LRRIQ1: variants seen among roughly 807,000 people sequenced by gnomAD.
LRRIQ1 encodes leucine-rich repeat- and IQ domain-containing protein 1.
Under a neutral mutation model 211.9 loss-of-function variants are expected in LRRIQ1, and 210 were observed. The observed-to-expected ratio is 0.99, with a 90% CI of 0.89 to 1.11. The LOEUF is 1.11. LRRIQ1 is among the 50% of genes most tolerant of loss of function. The pLI is 0.00. For synonymous variants in LRRIQ1, 699 were observed against 650.1 expected (o/e 1.08, Z -1.14); for missense variants, 2,136 against 1,939.5 (o/e 1.10, Z -1.90).
chr12:85,145,996 G>C (rs1276284159), intron 19 of LRRIQ1, among the ~76,000 whole-genome samples: 1 of 151,592 alleles, frequency 6.6e-6, no homozygotes, highest in African/African-American at 2.4e-5. Context: ...AATCTGACAG[G>C]GGCTGGGACA....
intron 10 of LRRIQ1, among the ~76,000 whole-genome samples, chr12:85,071,256 G>T (rs754865643): frequency 6.6e-6 from 1 of 151,810 alleles, no homozygotes; most frequent in Non-Finnish European, 1.5e-5. Flanking sequence ...ATATATGCAC[G>T]TATCTAAGGA....
intron 1 of LRRIQ1, among the ~76,000 whole-genome samples, chr12:85,253,442 T>G (rs1052236442): frequency 3.9e-5 from 6 of 152,078 alleles, no homozygotes; most frequent in African/African-American, 1.4e-4. Context: ...ATAGCTCTGG[T>G]ACTGGACCAG....
intron 9 of LRRIQ1, among the ~76,000 whole-genome samples, chr12:85,065,971 A>G (rs572479647): frequency 1.4e-4 from 21 of 152,006 alleles, no homozygotes; most frequent in Non-Finnish European, 2.8e-4. Flanking sequence ...GAGTGTTCCT[A>G]AAAGACATGC....
intron 1 of LRRIQ1, among the ~76,000 whole-genome samples, chr12:85,261,598 T>A (rs1285109856): frequency 6.6e-6 from 1 of 151,796 alleles, no homozygotes; most frequent in Non-Finnish European, 1.5e-5. Flanking sequence ...AGCATCACAA[T>A]GGAGAATCAT....
downstream of LRRIQ1, among the ~76,000 whole-genome samples, chr12:85,265,180 G>T (rs1002240447): frequency 6.6e-6 from 1 of 151,888 alleles, no homozygotes; most frequent in African/African-American, 2.4e-5. Flanking sequence ...GATATATTTT[G>T]ATTATATTTT....
chr12:85,099,550 C>T (rs1193163953), intron 13 of LRRIQ1, among the ~76,000 whole-genome samples: 1 of 151,830 alleles, frequency 6.6e-6, no homozygotes, highest in African/African-American at 2.4e-5. Context: ...ACATCTGGAT[C>T]TTTGCTGAGA....
At chr12:85,266,383 T>A (rs1373458313), downstream of LRRIQ1, among the ~76,000 whole-genome samples, 1 of 152,104 alleles carries the variant, frequency 6.6e-6, no homozygotes, top group Non-Finnish European at 1.5e-5. Context: ...GTGAATATAT[T>A]TGAAAGATAA....
chr12:85,177,384 G>A (rs554672514), intron 24 of LRRIQ1, among the ~76,000 whole-genome samples: 51 of 152,200 alleles, frequency 3.4e-4, no homozygotes, highest in Non-Finnish European at 6.3e-4. Flanking sequence ...ATGAGTAAAG[G>A]TCTGTGGAGG....
chr12:85,196,064 C>T (rs1892889343), intron 24 of LRRIQ1, among the ~76,000 whole-genome samples: 1 of 152,026 alleles, frequency 6.6e-6, no homozygotes, highest in Admixed American at 6.6e-5. Flanking sequence ...CATGAGTGAA[C>T]TCCCATTCAC....
intron 25 of LRRIQ1, among the ~76,000 whole-genome samples, chr12:85,231,902 C>A (rs1894960479): frequency 6.6e-6 from 1 of 152,100 alleles, no homozygotes; most frequent in Admixed American, 6.5e-5. Context: ...AGACTACATC[C>A]AAACCATAAG....
chr12:85,070,386 T>C (rs1307034971), intron 10 of LRRIQ1, among the ~76,000 whole-genome samples: 3 of 152,028 alleles, frequency 2.0e-5, no homozygotes, highest in African/African-American at 7.2e-5. Flanking sequence ...ATGTGATTTG[T>C]GAATTTTCTA....
chr12:85,055,434 C>A, intron 7 of LRRIQ1, 113 bp from the exon 8 acceptor site: 1 of 847,550 alleles, frequency 1.2e-6, no homozygotes, highest in South Asian at 4.4e-5. Flanking sequence ...TTTATAGAAA[C>A]TTTATTAAGA....
chr12:85,250,318 T>TA (rs902962308), intron 1 of LRRIQ1, among the ~76,000 whole-genome samples: 10 of 151,854 alleles, frequency 6.6e-5, no homozygotes, highest in African/African-American at 2.4e-4. Context: ...TTATAAGCCT[T>TA]AAAAAATATA....
intron 19 of LRRIQ1, among the ~76,000 whole-genome samples, chr12:85,143,974 A>G (rs1485406051): frequency 6.6e-6 from 1 of 151,566 alleles, no homozygotes; most frequent in Non-Finnish European, 1.5e-5. Context: ...TAGGTAAATT[A>G]CGTGTCGTGG....
chr12:85,116,081 A>G (rs998968247), intron 15 of LRRIQ1, among the ~76,000 whole-genome samples: 4 of 152,230 alleles, frequency 2.6e-5, no homozygotes, highest in Admixed American at 6.5e-5. Flanking sequence ...TTATCGTAGT[A>G]TAACTGCAGC....
At chr12:85,116,834 A>T (rs988785965) in intron 15 of LRRIQ1, among the ~76,000 whole-genome samples, 2 of 151,598 alleles carry the variant, frequency 1.3e-5, no homozygotes, top group African/African-American at 4.8e-5. Flanking sequence ...TTTGCTAAGG[A>T]TAATAGCCTC....
chr12:85,228,043 A>G (rs1300507982), intron 24 of LRRIQ1, among the ~76,000 whole-genome samples: 1 of 152,120 alleles, frequency 6.6e-6, no homozygotes, highest in Non-Finnish European at 1.5e-5. Context: ...AAAGACTTAA[A>G]TATTAGACCT....
At chr12:85,084,950 G>T (rs1334845285) in intron 11 of LRRIQ1, among the ~76,000 whole-genome samples, 1 of 151,412 alleles carries the variant, frequency 6.6e-6, no homozygotes, top group African/African-American at 2.4e-5. Context: ...GAAGTACAAT[G>T]ATTTATAAAG....
intron 24 of LRRIQ1, among the ~76,000 whole-genome samples, chr12:85,172,110 G>A (rs917653307): frequency 6.6e-6 from 1 of 152,090 alleles, no homozygotes; most frequent in African/African-American, 2.4e-5. Context: ...ACAGCTACAA[G>A]GAAGAAGAAA....
Sources: allele counts gnomAD v4.1 joint callset (sites outside exome capture counted in the v4.1 genomes callset), GRCh38; gene constraint gnomAD v4.1.1; transcripts MANE v1.5; gene names NCBI Gene and HGNC (gene_info 2026-07-23, HGNC 2026-07-21).